Variants in MIB1 observed in about 807,000 individuals in gnomAD.
MIB1 encodes MIB E3 ubiquitin protein ligase 1, also known as E3 ubiquitin-protein ligase MIB1.
Under a neutral mutation model 124.5 loss-of-function variants are expected in MIB1, and 278 were observed. The observed-to-expected ratio is 2.23, with a 90% CI of 2.02 to 2.47. The LOEUF (loss-of-function observed/expected upper bound fraction) is 2.47. Ranked by LOEUF, MIB1 falls within the 30% of genes most tolerant of loss-of-function variation. MIB1 has a pLI of 0.00. For synonymous variants in MIB1, 446 were observed against 429.4 expected (o/e 1.04, Z -0.48); for missense variants, 957 against 1,254.4 (o/e 0.76, Z 3.58).
At position 21,779,692 on chromosome 18, in the gene MIB1, G is replaced by A. The variant is rs1425304258; in HGVS notation, c.908+7G>A. On this transcript the variant is annotated splice_region_variant and intron_variant, in intron 6 of 20. Coordinates refer to ENST00000261537, the MANE Select transcript of MIB1 (RefSeq NM_020774.4). ...AGTATCCAAGTGGCAATAGGTGGGTGATATCTCTCAATTTTTGACAATGAC... is the reference window on the plus strand; with the variant it reads ...AGTATCCAAGTGGCAATAGGTGGGTAATATCTCTCAATTTTTGACAATGAC... 5 of 1,605,558 alleles carry A rather than the reference G, an allele frequency of 3.1e-6. No individual in the cohort carries two copies. The highest frequency in any genetic ancestry group is 1.7e-5 in the Admixed American group (1 of 59,942).
chr18:21,825,407 AT>A, intron 12 of MIB1: 1 of 284,024 alleles, frequency 3.5e-6, no homozygotes, highest in South Asian at 3.0e-5. Context: ...TGTTGTTGTT[AT>A]TATGAAGCAT....
chr18:21,745,627 G>T lies in MIB1; in HGVS notation c.229+3815G>T, dbSNP rs543966467. ...ACACCAGGGGCATTTAAGTATTTTG[G>T]TAATGTTCTGTGATTAAACCTACCC... is the stretch of plus-strand genomic sequence containing the variant. On this transcript the variant is annotated intron_variant, in intron 1 of 20. Transcript: ENST00000261537. 3.3e-5 allele frequency among the ~76,000 whole-genome samples: 5 copies of T among 151,546 alleles called. No individual in the cohort carries two copies. The East Asian group carries it at 9.7e-4, about 29-fold the overall frequency.
intron 12 of MIB1, among the ~76,000 whole-genome samples, chr18:21,833,567 TAAG>T (rs1312602387): frequency 6.6e-6 from 1 of 152,192 alleles, no homozygotes; most frequent in African/African-American, 2.4e-5. Flanking sequence ...TGTTTTGCCT[TAAG>T]TAGTACTAAC....
chr18:21,825,721 G>A (rs1382873526), intron 12 of MIB1: 1 of 532,316 alleles, frequency 1.9e-6, no homozygotes, highest in East Asian at 5.5e-5. Flanking sequence ...ACAGCTGGTT[G>A]AAGGGGACCA....
At chr18:21,778,551 C>T (rs1177472137) in intron 5 of MIB1, among the ~76,000 whole-genome samples, 1 of 151,956 alleles carries the variant, frequency 6.6e-6, no homozygotes, top group Non-Finnish European at 1.5e-5. Context: ...TTCCTAAGTA[C>T]AGCTCCAAGA....
At chr18:21,820,492 G>C (rs1012147226) in intron 12 of MIB1, among the ~76,000 whole-genome samples, 3 of 152,118 alleles carry the variant, frequency 2.0e-5, no homozygotes, top group African/African-American at 7.2e-5. Flanking sequence ...GAAACAAAAG[G>C]ATTTTATTGC....
chr18:21,771,205 T>G (rs578044412), intron 3 of MIB1, among the ~76,000 whole-genome samples: 3 of 152,244 alleles, frequency 2.0e-5, no homozygotes, highest in Admixed American at 2.0e-4. Flanking sequence ...TATTTTCTTA[T>G]GCCCTCCACT....
At chr18:21,762,505 A>G (rs1490377032) in intron 1 of MIB1, among the ~76,000 whole-genome samples, 1 of 152,234 alleles carries the variant, frequency 6.6e-6, no homozygotes, top group Non-Finnish European at 1.5e-5. Flanking sequence ...TGCATAATAC[A>G]TGTAATATAA....
At chr18:21,729,324 G>C (rs950077071) in intron 1 of MIB1, among the ~76,000 whole-genome samples, 2 of 152,100 alleles carry the variant, frequency 1.3e-5, no homozygotes, top group Admixed American at 6.6e-5. Flanking sequence ...ATAAACAATA[G>C]AAATTTATTT....
intron 19 of MIB1, among the ~76,000 whole-genome samples, chr18:21,858,034 A>G (rs2042243709): frequency 1.3e-5 from 2 of 152,250 alleles, no homozygotes; most frequent in Non-Finnish European, 2.9e-5. Flanking sequence ...ACTACAGATG[A>G]TGGCCTTTCT....
At chr18:21,781,928 G>A (rs2041373551) in intron 6 of MIB1, among the ~76,000 whole-genome samples, 1 of 151,838 alleles carries the variant, frequency 6.6e-6, no homozygotes, top group Admixed American at 6.6e-5. Context: ...CTAAAGATTT[G>A]TTGATTTTGT....
chr18:21,840,451 T>TA (rs1382707706), intron 13 of MIB1, among the ~76,000 whole-genome samples: 4 of 151,912 alleles, frequency 2.6e-5, no homozygotes, highest in African/African-American at 9.6e-5. Context: ...CTTCACAACT[T>TA]ACGCAAAAAT....
rs1032811965 is a variant in MIB1, at chr18:21,870,811, A to C, written c.*6145A>C. On this transcript the variant is annotated 3_prime_UTR_variant, in exon 21 of 21. Coordinates refer to ENST00000261537, the MANE Select transcript of MIB1 (RefSeq NM_020774.4). ...ATTTGAAAAAAGCATATATATTCCA[A>C]CTTTAAAATTGTGAATTTATTTTGA... 1.3e-5 allele frequency: 2 copies of C among 152,146 alleles called. No individual in the cohort carries two copies. Among genetic ancestry groups the C allele is most frequent in the Non-Finnish European group, 2.9e-5 (2 of 68,006 alleles). 9.4% of individuals were successfully genotyped at this position (152,146 alleles called of 1,614,324 possible). A position where few individuals can be genotyped will look rare whatever the true frequency, so the allele number is the denominator to read the frequency against.
In MIB1 at chr18:21,865,664, T is replaced by C. The variant is rs930743230; in HGVS notation, c.*998T>C. On this transcript the variant is annotated 3_prime_UTR_variant, in exon 21 of 21. Transcript: ENST00000261537. ...TTTTCCAAGAAAAAATCTTTTCTTC[T>C]CTGTATCAGTTAATTCTGACAGTGT... 2 of 152,620 alleles carry C rather than the reference T, an allele frequency of 1.3e-5. No homozygotes were observed. Among genetic ancestry groups the C allele is most frequent in the African/African-American group, 4.8e-5 (2 of 41,436 alleles). The allele number at this position is 152,620 out of a possible 1,614,324, so 9.5% of individuals were successfully genotyped here.
chr18:21,731,469 C>T (rs1386755938), intron 1 of MIB1, among the ~76,000 whole-genome samples: 4 of 152,150 alleles, frequency 2.6e-5, no homozygotes, highest in African/African-American at 4.8e-5. Flanking sequence ...CGCGGTGGCT[C>T]ATGCCTGTAA....
chr18:21,821,836 C>T (rs2041881978), intron 12 of MIB1, among the ~76,000 whole-genome samples: 2 of 152,020 alleles, frequency 1.3e-5, no homozygotes, highest in African/African-American at 4.8e-5. Context: ...CTCCTGACCT[C>T]GTGATCCGCC....
rs200591460 is a variant in MIB1, at chr18:21,733,523, G to A, written n.167+28400G>A. ...CCATTCTCCTACCTCAGCCTCCCAC[G>A]TAAGCCTCCTGAGGGAATAAAGGTG... On this transcript the variant is annotated intron_variant and non_coding_transcript_variant, in intron 1 of 20. Transcript: ENST00000578646. Among the ~76,000 whole-genome samples, 5 of 152,012 alleles carry A rather than the reference G, an allele frequency of 3.3e-5. No individual in the cohort carries two copies. In the East Asian group the frequency reaches 7.7e-4, roughly 24 times the overall value.
At chr18:21,719,521 A>C (rs1402117142) in intron 1 of MIB1, among the ~76,000 whole-genome samples, 1 of 151,988 alleles carries the variant, frequency 6.6e-6, no homozygotes, top group East Asian at 1.9e-4. Flanking sequence ...ATCTCTGCAC[A>C]CTGCAACCTC....
At chr18:21,805,593 G>C (rs1308237254) in intron 10 of MIB1, among the ~76,000 whole-genome samples, 1 of 151,928 alleles carries the variant, frequency 6.6e-6, no homozygotes, top group African/African-American at 2.4e-5. Flanking sequence ...TTCTTGAGTT[G>C]AATATCTGAT....
Sources: gnomAD v4.1 joint callset for allele counts (sites outside exome capture counted in the v4.1 genomes callset) on GRCh38, gnomAD v4.1.1 for gene constraint, MANE v1.5 for transcripts, NCBI Gene and HGNC (gene_info 2026-07-23, HGNC 2026-07-21) for gene names.